Variants in BTBD9 observed in about 807,000 individuals in gnomAD.
BTBD9 encodes the protein BTB/POZ domain-containing protein 9.
A neutral mutation model predicts 64.3 loss-of-function variants in BTBD9; 49 were observed. That is an observed-to-expected ratio of 0.76 (90% CI 0.61 to 0.97). BTBD9 has a LOEUF of 0.97. Ranked by LOEUF, BTBD9 falls within the 50% of genes least tolerant of loss-of-function variation. BTBD9 has a pLI of 0.00. For synonymous variants in BTBD9, 260 were observed against 274.7 expected (o/e 0.95, Z 0.53); for missense variants, 598 against 762.1 (o/e 0.78, Z 2.53).
chr6:38,257,149 T>C (rs377648229), intron 8 of BTBD9, among the ~76,000 whole-genome samples: 25 of 148,736 alleles, frequency 1.7e-4, no homozygotes, highest in African/African-American at 5.2e-4. Flanking sequence ...AGTATCCTCC[T>C]ACCTTTGCCT....
intron 7 of BTBD9, among the ~76,000 whole-genome samples, chr6:38,309,905 G>A (rs1762766160): frequency 6.6e-6 from 1 of 152,048 alleles, no homozygotes; most frequent in Non-Finnish European, 1.5e-5. Flanking sequence ...AGCTGGGTAT[G>A]CTATAGAGAA....
At chr6:38,303,846 T>TATATATAG (rs1473218625) in intron 7 of BTBD9, among the ~76,000 whole-genome samples, 2 of 90,532 alleles carry the variant, frequency 2.2e-5, no homozygotes, top group African/African-American at 1.0e-4. Flanking sequence ...GCTAGATATA[T>TATATATAG]ATATATATAT....
At chr6:38,565,597 C>A (rs1775457545) in intron 6 of BTBD9, among the ~76,000 whole-genome samples, 1 of 152,044 alleles carries the variant, frequency 6.6e-6, no homozygotes, top group Non-Finnish European at 1.5e-5. Flanking sequence ...AATGAAAAAT[C>A]TGCATAAAAC....
intron 6 of BTBD9, among the ~76,000 whole-genome samples, chr6:38,393,243 C>T (rs1042723244): frequency 6.6e-6 from 1 of 152,148 alleles, no homozygotes. Flanking sequence ...AACATGTAGC[C>T]ATATTTAAGG....
At chr6:38,374,282 A>ATATATATATAT (rs1562095014) in intron 6 of BTBD9, among the ~76,000 whole-genome samples, 1 of 34,550 alleles carries the variant, frequency 2.9e-5, no homozygotes, top group Non-Finnish European at 4.4e-5. Flanking sequence ...AAAAAAAAAA[A>ATATATATATAT]GTATATATAT....
intron 1 of BTBD9, among the ~76,000 whole-genome samples, chr6:38,622,113 T>C (rs1251520751): frequency 6.6e-6 from 1 of 152,200 alleles, no homozygotes; most frequent in Non-Finnish European, 1.5e-5. Context: ...CAAATCCCTA[T>C]TTACAAGGCC....
intron 1 of BTBD9, among the ~76,000 whole-genome samples, chr6:38,599,517 A>G (rs1777174228): frequency 6.6e-6 from 1 of 152,218 alleles, no homozygotes. Context: ...GCTAGCATTC[A>G]GATGCCCCCG....
At chr6:38,199,359 G>T (rs1467117361) in intron 9 of BTBD9, among the ~76,000 whole-genome samples, 1 of 152,080 alleles carries the variant, frequency 6.6e-6, no homozygotes, top group Admixed American at 6.5e-5. Flanking sequence ...GGCCCAAGAG[G>T]AAAGAGCTAC....
At chr6:38,183,969 G>A (rs115906395) in intron 10 of BTBD9, among the ~76,000 whole-genome samples, 2,165 of 152,320 alleles carry the variant, frequency 0.014, 44 homozygotes, top group African/African-American at 0.047. Context: ...CTGCTCTCAA[G>A]AACTGCAGTG....
At chr6:38,597,829 T>G (rs1777098899) in intron 2 of BTBD9, 81 bp downstream of exon 2, 1 of 1,161,456 alleles carries the variant, frequency 8.6e-7, no homozygotes. Context: ...TTATACTTGG[T>G]TATATATTTT....
At chr6:38,604,926 A>T (rs1230415311) in intron 1 of BTBD9, among the ~76,000 whole-genome samples, 2 of 152,186 alleles carry the variant, frequency 1.3e-5, no homozygotes, top group African/African-American at 4.8e-5. Flanking sequence ...CTAGACTCTT[A>T]GGCTCAAGTG....
chr6:38,233,616 C>T (rs1401419948), intron 9 of BTBD9, among the ~76,000 whole-genome samples: 3 of 152,238 alleles, frequency 2.0e-5, no homozygotes, highest in African/African-American at 7.2e-5. Context: ...CTGCCAGCGC[C>T]TTTCAGTGCT....
At chr6:38,342,595 T>C (rs1170890308) in intron 7 of BTBD9, among the ~76,000 whole-genome samples, 1 of 151,096 alleles carries the variant, frequency 6.6e-6, no homozygotes, top group Non-Finnish European at 1.5e-5. Flanking sequence ...GATGACATTA[T>C]CTTAGTTTTA....
chr6:38,241,928 A>C (rs757070743), intron 9 of BTBD9, among the ~76,000 whole-genome samples: 1 of 152,214 alleles, frequency 6.6e-6, no homozygotes, highest in African/African-American at 2.4e-5. Flanking sequence ...ATACTCTACA[A>C]CCTGAATAAT....
intron 6 of BTBD9, among the ~76,000 whole-genome samples, chr6:38,462,837 C>T (rs1383089017): frequency 1.2e-4 from 19 of 152,086 alleles, no homozygotes; most frequent in Admixed American, 9.2e-4. Context: ...CTCACTCTGT[C>T]GCCCAGGCTG....
intron 6 of BTBD9, among the ~76,000 whole-genome samples, chr6:38,391,458 C>G (rs9470869): frequency 0.051 from 7,689 of 152,206 alleles, 637 homozygotes; most frequent in African/African-American, 0.17. Flanking sequence ...TACCTGAAGT[C>G]AGATCAGTGA....
chr6:38,543,724 G>A (rs552346946), intron 6 of BTBD9, among the ~76,000 whole-genome samples: 17 of 152,202 alleles, frequency 1.1e-4, no homozygotes, highest in African/African-American at 3.9e-4. Flanking sequence ...TTGGGAGGCC[G>A]AGACGGGCGG....
At chr6:38,535,768 T>C (rs1249965050) in intron 6 of BTBD9, among the ~76,000 whole-genome samples, 1 of 152,112 alleles carries the variant, frequency 6.6e-6, no homozygotes, top group African/African-American at 2.4e-5. Flanking sequence ...AAGGACAGTA[T>C]CTTCAATAAA....
intron 6 of BTBD9, among the ~76,000 whole-genome samples, chr6:38,417,500 G>A (rs1455908167): frequency 1.3e-5 from 2 of 152,218 alleles, no homozygotes; most frequent in Non-Finnish European, 1.5e-5. Flanking sequence ...ATAGGTCAGT[G>A]CAGTGGCTCA....
Sources: allele counts gnomAD v4.1 joint callset (sites outside exome capture counted in the v4.1 genomes callset), GRCh38; gene constraint gnomAD v4.1.1; transcripts MANE v1.5; gene names NCBI Gene and HGNC (gene_info 2026-07-23, HGNC 2026-07-21).